Variants in MCF2L2 observed in about 807,000 individuals in gnomAD.
MCF2L2 encodes the protein MCF.2 cell line derived transforming sequence-like 2.
In MCF2L2, 102 loss-of-function variants were observed where a neutral mutation model predicts 150.2. That is an observed-to-expected ratio of 0.68 (90% CI 0.58 to 0.80). The LOEUF (loss-of-function observed/expected upper bound fraction) is 0.80. MCF2L2 is among the 30% of genes least tolerant of loss of function. The pLI is 0.00. For missense variants in MCF2L2, 1,256 were observed against 1,372.8 expected (o/e 0.91, Z 1.34); for synonymous variants, 465 against 491.3 (o/e 0.95, Z 0.71).
intron 1 of MCF2L2, among the ~76,000 whole-genome samples, chr3:183,404,577 T>C (rs1370577387): frequency 6.6e-6 from 1 of 152,104 alleles, no homozygotes; most frequent in Non-Finnish European, 1.5e-5. Context: ...TGTAAAACAA[T>C]ATGGGCTGGG....
chr3:183,306,095 G>A (rs1049274037), intron 10 of MCF2L2, among the ~76,000 whole-genome samples: 3 of 152,294 alleles, frequency 2.0e-5, no homozygotes, highest in East Asian at 1.9e-4. Flanking sequence ...GAAAGGCTAC[G>A]AAACGTGACT....
At chr3:183,335,803 G>A (rs1009784843) in intron 5 of MCF2L2, among the ~76,000 whole-genome samples, 1 of 152,166 alleles carries the variant, frequency 6.6e-6, no homozygotes, top group African/African-American at 2.4e-5. Flanking sequence ...AGGCTGCAGT[G>A]AGCTATGATC....
At chr3:183,223,274 G>A (rs139853342) in intron 20 of MCF2L2, 72 bp downstream of exon 20, 37 of 1,141,604 alleles carry the variant, frequency 3.2e-5, no homozygotes, top group Non-Finnish European at 3.4e-5. Flanking sequence ...CTCTACATGT[G>A]TAACGACATG....
chr3:183,340,125 ACT>A (rs1364030535), intron 4 of MCF2L2, among the ~76,000 whole-genome samples: 1 of 151,950 alleles, frequency 6.6e-6, no homozygotes, highest in Non-Finnish European at 1.5e-5. Context: ...CAATGGGAGG[ACT>A]CTCTTCCCCA....
At chr3:183,282,543 G>C (rs1727559678) in intron 14 of MCF2L2, among the ~76,000 whole-genome samples, 1 of 152,156 alleles carries the variant, frequency 6.6e-6, no homozygotes, top group South Asian at 2.1e-4. Context: ...ATATCAGGAA[G>C]TGAGAAACAT....
Position 183,368,369 on chromosome 3 carries a change from A to G in MCF2L2, c.275+10928T>C, listed in dbSNP as rs141509610. Among the ~76,000 whole-genome samples the G allele has an allele frequency of 5.7e-3, 873 of 152,292 alleles. 12 individuals carry two copies. The highest frequency in any genetic ancestry group is 0.02 in the African/African-American group (827 of 41,556). ...CCACCCCACTCTCATCTTTGTAAATAAAGTTTAATTGGAACACAGCCAATT... is the reference window on the plus strand; with the variant it reads ...CCACCCCACTCTCATCTTTGTAAATGAAGTTTAATTGGAACACAGCCAATT... On this transcript the variant is annotated intron_variant, in intron 3 of 29. Transcript: ENST00000328913.
chr3:183,413,971 T>C (rs1435579470), intron 1 of MCF2L2, among the ~76,000 whole-genome samples: 1 of 152,194 alleles, frequency 6.6e-6, no homozygotes, highest in Non-Finnish European at 1.5e-5. Context: ...AGTGGACCCG[T>C]ACAGTTCAAA....
At chr3:183,281,209 G>T (rs951448814) in intron 14 of MCF2L2, among the ~76,000 whole-genome samples, 1 of 152,154 alleles carries the variant, frequency 6.6e-6, no homozygotes, top group Admixed American at 6.6e-5. Context: ...AGGGTGAGAA[G>T]AAGGGAAGGA....
intron 18 of MCF2L2, chr3:183,224,986 C>G (rs1416319141): frequency 6.6e-6 from 1 of 152,320 alleles, no homozygotes; most frequent in Admixed American, 6.5e-5. Flanking sequence ...GGGAGCCTGG[C>G]CCACAGCGGC....
chr3:183,218,421 G>A (rs1385328744), intron 21 of MCF2L2, among the ~76,000 whole-genome samples: 12 of 152,110 alleles, frequency 7.9e-5, no homozygotes, highest in Middle Eastern at 3.4e-3. Context: ...AGTGGATCAC[G>A]AGGTCACGAG....
rs761764748 is a variant in MCF2L2, at chr3:183,318,099, A to G, written c.722T>C (p.Met241Thr). The part of the protein sequence containing the change: ...RSMLSTEDLL[M>T]SHTRQRDKLQ... ...CTTGTCCCGCTGCCTTGTGTGGGAC[A>G]TGAGAAGGTCTTCCGTGGATAGCAT... Residue 241 changes from methionine to threonine, a missense_variant, in exon 7 of 30, where the codon ATG becomes ACG. Physicochemically the swap from Met to Thr is moderately conservative, Grantham distance 81. Transcript: ENST00000328913. 1.9e-6 allele frequency: 3 copies of G among 1,614,150 alleles called. No individual in the cohort carries two copies. In the South Asian group the frequency reaches 3.3e-5, roughly 18 times the overall value.
intron 10 of MCF2L2, among the ~76,000 whole-genome samples, chr3:183,307,373 C>A (rs1729149593): frequency 6.6e-6 from 1 of 152,212 alleles, no homozygotes; most frequent in South Asian, 2.1e-4. Flanking sequence ...TGAAAACGAT[C>A]TCAGTTACGA....
chr3:183,318,552 G>GA (rs1399482670), intron 6 of MCF2L2, among the ~76,000 whole-genome samples: 1 of 152,160 alleles, frequency 6.6e-6, no homozygotes, highest in Non-Finnish European at 1.5e-5. Context: ...GTGACACCCA[G>GA]AAAATGCACT....
At chr3:183,295,608 A>G in intron 12 of MCF2L2, 131 bp from the exon 13 acceptor site, 1 of 811,466 alleles carries the variant, frequency 1.2e-6, no homozygotes, top group South Asian at 1.6e-5. Context: ...CCCTCTGGGC[A>G]TCACTATGCA....
intron 27 of MCF2L2, among the ~76,000 whole-genome samples, chr3:183,183,779 A>G (rs1261685615): frequency 6.6e-6 from 1 of 152,208 alleles, no homozygotes; most frequent in Non-Finnish European, 1.5e-5. Flanking sequence ...GAGGGTCTCA[A>G]AACAGCTCTG....
intron 15 of MCF2L2, among the ~76,000 whole-genome samples, chr3:183,241,181 G>GCAGAGGTTT (rs1261083324): frequency 6.6e-6 from 1 of 152,202 alleles, no homozygotes; most frequent in African/African-American, 2.4e-5. Flanking sequence ...TGAAGTTTAA[G>GCAGAGGTTT]CAGAGGTTTT....
At chr3:183,288,795 A>G (rs1727945557) in intron 14 of MCF2L2, among the ~76,000 whole-genome samples, 3 of 152,122 alleles carry the variant, frequency 2.0e-5, no homozygotes, top group African/African-American at 7.2e-5. Flanking sequence ...TGCTCTTTTT[A>G]TACATGAACC....
At chr3:183,254,063 T>TCCGCCCCGCCC (rs1256424578) in intron 15 of MCF2L2, 6 of 151,772 alleles carry the variant, frequency 4.0e-5, no homozygotes, top group East Asian at 3.9e-4. Context: ...GGCCGGCCCC[T>TCCGCCCCGCCC]CCGCCCCGCC....
intron 15 of MCF2L2, among the ~76,000 whole-genome samples, chr3:183,239,137 G>A (rs1355297715): frequency 6.6e-6 from 1 of 151,942 alleles, no homozygotes; most frequent in African/African-American, 2.4e-5. Flanking sequence ...AGCAATTTCT[G>A]TCCTGATGGC....
Sources: allele counts gnomAD v4.1 joint callset (sites outside exome capture counted in the v4.1 genomes callset), GRCh38; gene constraint gnomAD v4.1.1; transcripts MANE v1.5; gene names NCBI Gene and HGNC (gene_info 2026-07-23, HGNC 2026-07-21).